Variants in APBA1 observed in about 807,000 individuals in gnomAD.
The protein encoded by APBA1 is amyloid-beta A4 precursor protein-binding family A member 1.
APBA1 carries 55 observed loss-of-function variants against 86.6 expected under a neutral mutation model. The ratio of observed to expected loss-of-function variants is 0.64; its 90% CI spans 0.51 to 0.80. The LOEUF is 0.80. Ranked by LOEUF, APBA1 falls within the 30% of genes least tolerant of loss-of-function variation. The probability of loss-of-function intolerance (pLI) is 0.00; values close to 1 mark genes in which losing one functional copy is unlikely to be tolerated. For synonymous variants in APBA1, 511 were observed against 493.9 expected, an observed-to-expected ratio of 1.03 and a Z score of -0.46; for missense variants, 1,090 against 1,183.0, an observed-to-expected ratio of 0.92 and a Z score of 1.15.
Position 69,430,819 on chromosome 9 carries a change from G to C in APBA1, c.*508C>G, listed in dbSNP as rs565138536. On this transcript the variant is annotated 3_prime_UTR_variant, in exon 13 of 13. Transcript: ENST00000265381. Reference sequence around the variant, plus strand: ...GAGATTCTGGGAAGAAATAATGTATGGTGCCCCAACTACATGGCAGGCAGT... The same window carrying C: ...GAGATTCTGGGAAGAAATAATGTATCGTGCCCCAACTACATGGCAGGCAGT... 1 of 153,344 alleles carries C rather than the reference G, an allele frequency of 6.5e-6. No individual in the cohort carries two copies. The highest frequency in any genetic ancestry group is 6.5e-5 in the Admixed American group (1 of 15,308). 9.5% of individuals were successfully genotyped at this position (153,344 alleles called of 1,614,324 possible). A position where few individuals can be genotyped will look rare whatever the true frequency, so the allele number is the denominator to read the frequency against.
In APBA1 at chr9:69,449,574, A is replaced by T. The variant is rs762204468; in HGVS notation, c.2181+10T>A. The T allele has an allele frequency of 3.1e-6, 5 of 1,611,898 alleles. No homozygotes were observed. The Admixed American group carries it at 8.3e-5, about 27-fold the overall frequency. Reference sequence around the variant, plus strand: ...TACCACATCAACTGATTTTTCCCATATTCAGGTACCTTAATAATGCTCTGG... The same window carrying T: ...TACCACATCAACTGATTTTTCCCATTTTCAGGTACCTTAATAATGCTCTGG... On this transcript the variant is annotated intron_variant, in intron 10 of 12. Coordinates refer to ENST00000265381, the MANE Select transcript of APBA1 (RefSeq NM_001163.4).
intron 2 of APBA1, 84 bp downstream of exon 2, chr9:69,515,927 T>C: frequency 1.4e-6 from 2 of 1,393,998 alleles, no homozygotes; most frequent in Non-Finnish European, 1.9e-6. Context: ...GTAAAGTCAC[T>C]ACCCAAGGGC....
At chr9:69,656,002 G>T (rs111495369) in intron 1 of APBA1, among the ~76,000 whole-genome samples, 107 of 152,272 alleles carry the variant, frequency 7.0e-4, no homozygotes, top group Admixed American at 3.2e-3. Context: ...GCCTCACACT[G>T]TATCCCATAC....
intron 1 of APBA1, among the ~76,000 whole-genome samples, chr9:69,644,184 T>C (rs1027122786): frequency 2.0e-5 from 3 of 152,228 alleles, no homozygotes; most frequent in African/African-American, 7.2e-5. Flanking sequence ...GAATGTAAAA[T>C]TCATGAGAAT....
At chr9:69,553,277 ATG>A (rs1376128226) in intron 1 of APBA1, among the ~76,000 whole-genome samples, 7 of 152,148 alleles carry the variant, frequency 4.6e-5, no homozygotes, top group African/African-American at 1.4e-4. Context: ...GAATGTGTGT[ATG>A]TGTGTGTGCG....
At chr9:69,626,181 T>C (rs1588399592) in intron 1 of APBA1, among the ~76,000 whole-genome samples, 1 of 152,278 alleles carries the variant, frequency 6.6e-6, no homozygotes, top group East Asian at 1.9e-4. Context: ...AGCAAGCATA[T>C]TGGTGATAGA....
chr9:69,506,180 C>A (rs1456418292), intron 2 of APBA1, among the ~76,000 whole-genome samples: 1 of 151,774 alleles, frequency 6.6e-6, no homozygotes, highest in Non-Finnish European at 1.5e-5. Context: ...CTAGGGAGTG[C>A]CAGACAGTGG....
chr9:69,574,700 C>A (rs1291742565), intron 1 of APBA1, among the ~76,000 whole-genome samples: 1 of 152,016 alleles, frequency 6.6e-6, no homozygotes, highest in Non-Finnish European at 1.5e-5. Context: ...AAACATGGAT[C>A]CATTTATTTT....
At chr9:69,637,361 GAC>G (rs1564099236) in intron 1 of APBA1, among the ~76,000 whole-genome samples, 2 of 152,052 alleles carry the variant, frequency 1.3e-5, no homozygotes, top group African/African-American at 4.8e-5. Flanking sequence ...AAGTAACAAA[GAC>G]ACTATAATTG....
chr9:69,578,432 G>A (rs1198008752), intron 1 of APBA1, among the ~76,000 whole-genome samples: 1 of 152,144 alleles, frequency 6.6e-6, no homozygotes, highest in Non-Finnish European at 1.5e-5. Context: ...AACATCCTCT[G>A]CTGGGGGTTC....
intron 11 of APBA1, among the ~76,000 whole-genome samples, chr9:69,439,634 C>G (rs753650069): frequency 1.3e-5 from 2 of 152,324 alleles, no homozygotes; most frequent in Non-Finnish European, 1.5e-5. Context: ...TCAGCTCCAT[C>G]AGGTCCTTTA....
At position 69,630,089 on chromosome 9, in the gene APBA1, G is replaced by A. The variant is rs764278485; in HGVS notation, c.-70+42064C>T. ...TAAAAAAAAAAAGCAGGAAAAAGGC[G>A]AGTGGAAGTATGTATGTGAAGGGGC... On this transcript the variant is annotated intron_variant, in intron 1 of 12. Transcript: ENST00000265381. 4.0e-5 allele frequency among the ~76,000 whole-genome samples: 6 copies of A among 151,616 alleles called. No individual in the cohort carries two copies. The South Asian group carries it at 8.3e-4, about 21-fold the overall frequency.
At position 69,492,867 on chromosome 9, in the gene APBA1, C is replaced by T. The variant is rs1234123322; in HGVS notation, c.1201-16724G>A. Among the ~76,000 whole-genome samples the T allele has an allele frequency of 2.6e-5, 4 of 152,158 alleles. 1 individual carries two copies. Among genetic ancestry groups the T allele is most frequent in the Middle Eastern group, 6.8e-3 (2 of 294 alleles). ...TTGGCCTCTTTCCTCCAACGAAACT[C>T]GGCAACAGAAATTCATGGTAATGAA... On this transcript the variant is annotated intron_variant, in intron 2 of 12. Transcript: ENST00000265381.
At chr9:69,537,821 C>T (rs1836537510) in intron 1 of APBA1, among the ~76,000 whole-genome samples, 2 of 150,002 alleles carry the variant, frequency 1.3e-5, no homozygotes, top group Non-Finnish European at 1.5e-5. Flanking sequence ...GGCTTTTTAA[C>T]ATTAAGGGTA....
chr9:69,628,500 G>C (rs1822975745), intron 1 of APBA1, among the ~76,000 whole-genome samples: 3 of 152,330 alleles, frequency 2.0e-5, no homozygotes, highest in Middle Eastern at 6.8e-3. Context: ...TCTGGCTGGA[G>C]AGTTCTGGGC....
intron 1 of APBA1, among the ~76,000 whole-genome samples, chr9:69,569,034 T>A (rs1439310299): frequency 6.6e-6 from 1 of 151,910 alleles, no homozygotes; most frequent in Non-Finnish European, 1.5e-5. Flanking sequence ...CAAAAAGAGG[T>A]GAAATGTGAA....
chr9:69,431,513 C>T (rs1564025744), intron 12 of APBA1, 115 bp from the exon 13 acceptor site: 1 of 850,060 alleles, frequency 1.2e-6, no homozygotes, highest in Non-Finnish European at 1.8e-6. Flanking sequence ...TTTGAAGATA[C>T]TCCCTACCGC....
intron 1 of APBA1, among the ~76,000 whole-genome samples, chr9:69,664,631 A>T (rs148976301): frequency 3.5e-4 from 54 of 152,378 alleles, no homozygotes; most frequent in African/African-American, 1.3e-3. Flanking sequence ...CTTCAATTAT[A>T]TGAAAGTAAA....
At chr9:69,454,163 T>C (rs554757760) in intron 8 of APBA1, among the ~76,000 whole-genome samples, 33 of 152,358 alleles carry the variant, frequency 2.2e-4, no homozygotes, top group African/African-American at 7.7e-4. Flanking sequence ...ATGGGAACTT[T>C]CCGTGTGGCT....
Sources: allele counts gnomAD v4.1 joint callset (sites outside exome capture counted in the v4.1 genomes callset), GRCh38; gene constraint gnomAD v4.1.1; transcripts MANE v1.5; gene names NCBI Gene and HGNC (gene_info 2026-07-23, HGNC 2026-07-21).